The following AKAP6 variants were observed in gnomAD, a reference collection of about 807,000 sequenced individuals.
AKAP6 encodes the protein A-kinase anchor protein 6.
A neutral mutation model predicts 188.5 loss-of-function variants in AKAP6; 58 were observed. The observed-to-expected ratio is 0.31, with a 90% CI of 0.25 to 0.38. AKAP6 has a LOEUF of 0.38. AKAP6 is among the 10% of genes least tolerant of loss of function. The probability of loss-of-function intolerance (pLI) is 1.00; values close to 1 mark genes in which losing one functional copy is unlikely to be tolerated. For synonymous variants in AKAP6, 989 were observed against 998.6 expected (o/e 0.99, Z 0.18); for missense variants, 2,710 against 2,740.0 (o/e 0.99, Z 0.24).
intron 2 of AKAP6, among the ~76,000 whole-genome samples, chr14:32,485,587 G>A (rs544989457): frequency 1.1e-4 from 16 of 152,180 alleles, no homozygotes; most frequent in African/African-American, 2.9e-4. Context: ...TTTTTCATAC[G>A]TGTGTTGGCT....
intron 2 of AKAP6, among the ~76,000 whole-genome samples, chr14:32,483,729 A>G (rs534957878): frequency 7.9e-5 from 12 of 152,032 alleles, no homozygotes; most frequent in Admixed American, 2.6e-4. Context: ...GGTGATCTGC[A>G]TGCCTCAGCC....
intron 11 of AKAP6, among the ~76,000 whole-genome samples, chr14:32,769,234 G>A (rs1444638023): frequency 6.6e-6 from 1 of 151,334 alleles, no homozygotes; most frequent in Non-Finnish European, 1.5e-5. Flanking sequence ...TTTTAATAGA[G>A]ATGGGGTTTC....
At chr14:32,501,938 C>T (rs1298877802) in intron 2 of AKAP6, among the ~76,000 whole-genome samples, 3 of 152,016 alleles carry the variant, frequency 2.0e-5, no homozygotes, top group African/African-American at 4.8e-5. Flanking sequence ...ATGATAAGCG[C>T]CCAGTATAAT....
At chr14:32,826,022 A>C (rs757154215) in intron 13 of AKAP6, among the ~76,000 whole-genome samples, 3 of 152,204 alleles carry the variant, frequency 2.0e-5, no homozygotes, top group Non-Finnish European at 4.4e-5. Flanking sequence ...CCCATAATGT[A>C]TTATGAAAAA....
intron 7 of AKAP6, among the ~76,000 whole-genome samples, chr14:32,653,685 C>T (rs1422725987): frequency 2.0e-5 from 3 of 152,030 alleles, no homozygotes; most frequent in African/African-American, 7.2e-5. Context: ...CATCAATTTT[C>T]TTATCTATAA....
intron 7 of AKAP6, 53 bp from the exon 8 acceptor site, chr14:32,678,258 A>G (rs1217122417): frequency 6.4e-7 from 1 of 1,560,948 alleles, no homozygotes; most frequent in South Asian, 1.2e-5. Flanking sequence ...ACCTCACTTG[A>G]AATGCATTCC....
chr14:32,680,831 T>G (rs1031858461), intron 8 of AKAP6, among the ~76,000 whole-genome samples: 6 of 152,210 alleles, frequency 3.9e-5, no homozygotes, highest in Admixed American at 1.3e-4. Context: ...GCTTATATAG[T>G]ATACAACTAT....
intron 7 of AKAP6, among the ~76,000 whole-genome samples, chr14:32,643,435 G>C (rs1168979161): frequency 3.3e-5 from 5 of 151,978 alleles, no homozygotes; most frequent in African/African-American, 1.2e-4. Context: ...AGCCTCCTGA[G>C]TAGCTGGGAT....
At chr14:32,347,620 A>G (rs1887110358) in intron 1 of AKAP6, among the ~76,000 whole-genome samples, 1 of 152,232 alleles carries the variant, frequency 6.6e-6, no homozygotes. Flanking sequence ...ATTTGCCTAA[A>G]GTTTTTCAAT....
In AKAP6 at chr14:32,398,844, G is replaced by GTT. The variant is rs773955888; in HGVS notation, c.-34-34590_-34-34589dup. Among the ~76,000 whole-genome samples the GTT allele has an allele frequency of 2.2e-3, 132 of 60,978 alleles. 3 individuals carry two copies. The highest frequency in any genetic ancestry group is 7.2e-3 in the African/African-American group (112 of 15,592). 40.0% of individuals were successfully genotyped at this position (60,978 alleles called of 152,430 possible). The stretch of plus-strand genomic sequence containing the variant: ...TCCCTCTCTCTCTCTCTTTCTTCCT[G>GTT]TTTTTTTTTTTTTTTTTTTTTTTTT... On this transcript the variant is annotated intron_variant, in intron 1 of 13. Transcript: ENST00000280979.
intron 1 of AKAP6, among the ~76,000 whole-genome samples, chr14:32,430,037 G>A (rs370025269): frequency 2.6e-4 from 39 of 152,314 alleles, no homozygotes; most frequent in East Asian, 9.6e-4. Context: ...AACACAAAAC[G>A]TGTAAATAAT....
chr14:32,794,576 A>G (rs931390241), intron 12 of AKAP6, among the ~76,000 whole-genome samples: 10 of 152,174 alleles, frequency 6.6e-5, no homozygotes, highest in Non-Finnish European at 2.9e-5. Flanking sequence ...ACAAACAAAC[A>G]AACAAATAGT....
chr14:32,693,101 C>A (rs546191277), intron 8 of AKAP6, among the ~76,000 whole-genome samples: 136 of 152,212 alleles, frequency 8.9e-4, no homozygotes, highest in African/African-American at 3.2e-3. Context: ...GCAGTGGAGT[C>A]CCCTGGCTTA....
chr14:32,390,960 C>T (rs117901233), intron 1 of AKAP6, among the ~76,000 whole-genome samples: 10 of 152,210 alleles, frequency 6.6e-5, no homozygotes, highest in Middle Eastern at 3.4e-3. Context: ...GTTTTTTAAA[C>T]GTTGCATTTG....
At chr14:32,442,909 C>T (rs181227563) in intron 2 of AKAP6, among the ~76,000 whole-genome samples, 67 of 152,094 alleles carry the variant, frequency 4.4e-4, no homozygotes, top group Admixed American at 4.6e-4. Context: ...AGAGGGGAAA[C>T]GTAATAGAAT....
chr14:32,645,324 G>T (rs1308659201), intron 7 of AKAP6, among the ~76,000 whole-genome samples: 4 of 152,190 alleles, frequency 2.6e-5, no homozygotes, highest in Non-Finnish European at 5.9e-5. Flanking sequence ...ATCCCATTAA[G>T]CTATCAGTAA....
chr14:32,466,800 TTCAAAATA>T (rs1446906230), intron 2 of AKAP6, among the ~76,000 whole-genome samples: 1 of 127,092 alleles, frequency 7.9e-6, no homozygotes, highest in Non-Finnish European at 1.6e-5. Context: ...TGGATCCTGA[TTCAAAATA>T]TAAGCTGTAA....
chr14:32,587,969 G>C (rs1173056200), intron 5 of AKAP6, among the ~76,000 whole-genome samples: 1 of 152,086 alleles, frequency 6.6e-6, no homozygotes, highest in African/African-American at 2.4e-5. Flanking sequence ...TGGTAAAGGT[G>C]GAGCAAGCTG....
At chr14:32,592,936 C>T (rs1461299133) in intron 5 of AKAP6, among the ~76,000 whole-genome samples, 2 of 151,684 alleles carry the variant, frequency 1.3e-5, no homozygotes, top group African/African-American at 4.8e-5. Flanking sequence ...CAGCCCCATT[C>T]TACAGCATGT....
Sources: allele counts gnomAD v4.1 joint callset (sites outside exome capture counted in the v4.1 genomes callset), GRCh38; gene constraint gnomAD v4.1.1; transcripts MANE v1.5; gene names NCBI Gene and HGNC (gene_info 2026-07-23, HGNC 2026-07-21).